PNPLA7: variants seen among roughly 807,000 people sequenced by gnomAD.
PNPLA7 encodes patatin like domain 7, lysophospholipase, also known as patatin-like phospholipase domain-containing protein 7.
In PNPLA7, 153 loss-of-function variants were observed where a neutral mutation model predicts 161.7. That is an observed-to-expected ratio of 0.95 (90% CI 0.83 to 1.08). The LOEUF is 1.08. Among genes scored for constraint, PNPLA7 ranks in the 50% least tolerant of loss-of-function variants. The pLI is 0.00. For synonymous variants in PNPLA7, 809 were observed against 782.1 expected (o/e 1.03, Z -0.57); for missense variants, 1,739 against 1,856.6 (o/e 0.94, Z 1.16).
intron 25 of PNPLA7, among the ~76,000 whole-genome samples, chr9:137,475,136 A>G (rs963265707): frequency 6.6e-6 from 1 of 152,112 alleles, no homozygotes; most frequent in African/African-American, 2.4e-5. Flanking sequence ...CCAAATTTGA[A>G]AGGGTCCACT....
chr9:137,549,055 G>A (rs1194862778), intron 1 of PNPLA7, among the ~76,000 whole-genome samples: 3 of 152,276 alleles, frequency 2.0e-5, no homozygotes, highest in South Asian at 2.1e-4. Context: ...GCGATGGCCC[G>A]TGACCTGGTC....
intron 9 of PNPLA7, 79 bp downstream of exon 9, chr9:137,522,650 C>G: frequency 2.0e-6 from 3 of 1,532,516 alleles, no homozygotes; most frequent in Non-Finnish European, 2.7e-6. Flanking sequence ...AATAAACCCA[C>G]TCAAATCCCA....
chr9:137,547,293 G>A lies in PNPLA7; in HGVS notation c.193+16C>T. On this transcript the variant is annotated intron_variant, in intron 3 of 34. Transcript: ENST00000406427. This position sits in a 1 kb window ranked among gnomAD's most constrained non-coding sequence, Gnocchi z 4.6. Reference sequence around the variant, plus strand: ...CCCCCAACCCCCCGGGCCAGAGTCGGAACCAAGATACTCACGAAATTGTCT... The same window carrying A: ...CCCCCAACCCCCCGGGCCAGAGTCGAAACCAAGATACTCACGAAATTGTCT... 3 of 1,612,460 alleles carry A rather than the reference G, an allele frequency of 1.9e-6. No homozygotes were observed. Among genetic ancestry groups the A allele is most frequent in the South Asian group, 1.1e-5 (1 of 91,054 alleles).
At chr9:137,526,818 T>C (rs1484346899) in intron 8 of PNPLA7, among the ~76,000 whole-genome samples, 1 of 152,252 alleles carries the variant, frequency 6.6e-6, no homozygotes, top group Non-Finnish European at 1.5e-5. Flanking sequence ...TAAGTTCTAG[T>C]AGTTGTCTTA....
chr9:137,464,665 A>G, intron 26 of PNPLA7: 3 of 588,140 alleles, frequency 5.1e-6, no homozygotes, highest in Middle Eastern at 9.2e-4. Flanking sequence ...AAGCCAGGAC[A>G]CAGCCCACCC....
chr9:137,514,501 CT>C (rs1834412789), intron 12 of PNPLA7, among the ~76,000 whole-genome samples: 1 of 111,000 alleles, frequency 9.0e-6, no homozygotes, highest in South Asian at 3.0e-4. Flanking sequence ...GGTCACCTGA[CT>C]GTTGAGGTGC....
rs1479435395 is a variant in PNPLA7, at chr9:137,462,784, C to T, written c.3393G>A (p.Val1131=). The change falls in exon 30 of 35, where the codon GTG becomes GTA. Residue 1131 remains valine (V), a synonymous_variant. Coordinates refer to ENST00000406427, the MANE Select transcript of PNPLA7 (RefSeq NM_001098537.3). ...TGAGGTCCGTCTCATCTCGGCTGCC[C>T]ACGTCAATGGCGATCACCACTTTTG... ...MGAKVVIAID[V]GSRDETDLTN... is the part of the protein sequence containing the mutation. The T allele has an allele frequency of 1.9e-6, 3 of 1,613,922 alleles. No homozygotes were observed. Among genetic ancestry groups the T allele is most frequent in the Non-Finnish European group, 2.5e-6 (3 of 1,179,980 alleles).
chr9:137,505,573 C>G (rs374347403), intron 14 of PNPLA7, 41 bp downstream of exon 14: 50 of 1,608,836 alleles, frequency 3.1e-5, no homozygotes, highest in Non-Finnish European at 4.2e-5. Context: ...GCCACGGGCC[C>G]TGGGTGGGAC....
At chr9:137,514,693 T>C (rs1350388207) in intron 12 of PNPLA7, among the ~76,000 whole-genome samples, 16 of 89,552 alleles carry the variant, frequency 1.8e-4, no homozygotes, top group Admixed American at 3.6e-4. Flanking sequence ...GGCGGGTCAC[T>C]CGGATGTTGA....
At chr9:137,461,823 C>G (rs1831213701) in intron 32 of PNPLA7, 108 bp downstream of exon 32, 2 of 1,300,778 alleles carry the variant, frequency 1.5e-6, no homozygotes, top group East Asian at 2.6e-5. Context: ...GGGGGCAGGG[C>G]CTGTGGCCTG....
chr9:137,540,546 C>T lies in PNPLA7; in HGVS notation c.747+96G>A, dbSNP rs1836138247. 4 of 1,119,708 alleles carry T rather than the reference C, an allele frequency of 3.6e-6. No individual in the cohort carries two copies. The highest frequency in any genetic ancestry group is 5.2e-6 in the Non-Finnish European group (4 of 769,808). 69.4% of individuals were successfully genotyped at this position (1,119,708 alleles called of 1,614,324 possible). Reference sequence around the variant, plus strand: ...CCCTCACATCACTGTGGAGAACTGGCCTTTAACCACTACCAGCTGTCCAGA... The same window carrying T: ...CCCTCACATCACTGTGGAGAACTGGTCTTTAACCACTACCAGCTGTCCAGA... On this transcript the variant is annotated intron_variant, in intron 8 of 34. Transcript: ENST00000406427. This position sits in a 1 kb window ranked among gnomAD's most constrained non-coding sequence, Gnocchi z 5.1.
Position 137,527,406 on chromosome 9 carries a change from A to C in PNPLA7, c.748-4549T>G, listed in dbSNP as rs183999254. 1.3e-4 allele frequency among the ~76,000 whole-genome samples: 20 copies of C among 152,280 alleles called. No individual in the cohort carries two copies. The East Asian group carries it at 3.1e-3, about 23-fold the overall frequency. Reference sequence around the variant, plus strand: ...GTTTGCTTTCATTTTTTTAGTACAGATGTCCTTTATTCGATTTAGGAAGTT... The same window carrying C: ...GTTTGCTTTCATTTTTTTAGTACAGCTGTCCTTTATTCGATTTAGGAAGTT... On this transcript the variant is annotated intron_variant, in intron 8 of 34. Transcript: ENST00000406427.
Position 137,479,149 on chromosome 9 carries a change from G to A in PNPLA7, c.2670C>T (p.Thr890=), listed in dbSNP as rs150573682. The A allele has an allele frequency of 1.5e-5, 24 of 1,582,584 alleles. No individual in the cohort carries two copies. The highest frequency in any genetic ancestry group is 1.8e-4 in the Middle Eastern group (1 of 5,442). ...HREEGPAPAR[T]VEWLNMRSWC... Reference sequence around the variant, plus strand: ...AGCTCCGCATGTTGAGCCACTCCACGGTGCGCGCTGGCGCCGGGCCCTCCT... The same window carrying A: ...AGCTCCGCATGTTGAGCCACTCCACAGTGCGCGCTGGCGCCGGGCCCTCCT... Residue 890 remains threonine (T), a synonymous_variant, in exon 24 of 35, where the codon ACC becomes ACT. Coordinates refer to ENST00000406427, the MANE Select transcript of PNPLA7 (RefSeq NM_001098537.3).
intron 8 of PNPLA7, among the ~76,000 whole-genome samples, chr9:137,530,090 G>A (rs139391500): frequency 1.3e-5 from 2 of 152,078 alleles, no homozygotes; most frequent in South Asian, 2.1e-4. Context: ...TCAGCCTCCC[G>A]AGTAGATGAG....
intron 11 of PNPLA7, 100 bp from the exon 12 acceptor site, chr9:137,515,619 C>T (rs1334579514): frequency 1.2e-5 from 17 of 1,383,292 alleles, no homozygotes; most frequent in African/African-American, 1.5e-5. Context: ...CCCCACAGTG[C>T]CCTGCGCACC....
chr9:137,519,495 G>A (rs558812531), intron 11 of PNPLA7, among the ~76,000 whole-genome samples: 2 of 152,352 alleles, frequency 1.3e-5, no homozygotes, highest in African/African-American at 2.4e-5. Flanking sequence ...GTGAGGAGAC[G>A]GGCACACGTA....
Position 137,543,857 on chromosome 9 carries a change from C to T in PNPLA7, c.274-42G>A, listed in dbSNP as rs746920301. On this transcript the variant is annotated intron_variant, in intron 4 of 34. Coordinates refer to ENST00000406427, the MANE Select transcript of PNPLA7 (RefSeq NM_001098537.3). The surrounding 1 kb of genome is among the most constrained non-coding windows in gnomAD (Gnocchi z 6.9). ...GAGACCAGCCACTGACCCTGCAAGC[C>T]GCAAGGTCCAAGCTCTTTGCCATGG... 41 of 1,537,702 alleles carry T rather than the reference C, an allele frequency of 2.7e-5. No individual in the cohort carries two copies. The highest frequency in any genetic ancestry group is 1.0e-4 in the Admixed American group (6 of 59,872).
rs2132500610 is a variant in PNPLA7 at position 137,523,438 on chromosome 9, G to A, written c.748-581C>T. 6.6e-6 allele frequency among the ~76,000 whole-genome samples: 1 copy of A among 152,346 alleles called. No homozygotes were observed. The highest frequency in any genetic ancestry group is 2.1e-4 in the South Asian group (1 of 4,818). On this transcript the variant is annotated intron_variant, in intron 8 of 34. Coordinates refer to ENST00000406427, the MANE Select transcript of PNPLA7 (RefSeq NM_001098537.3). This position sits in a 1 kb window ranked among gnomAD's most constrained non-coding sequence, Gnocchi z 4.4. ...GCCAGCAGAGCTCCACACGGCCAAG[G>A]AAAGAGCCCAGGAAAAGCCCCAGTG...
chr9:137,518,165 T>C, intron 11 of PNPLA7, among the ~76,000 whole-genome samples: 1 of 93,474 alleles, frequency 1.1e-5, no homozygotes, highest in African/African-American at 4.6e-5. Context: ...ACGCACTCAC[T>C]CCACTCTGTC....
Sources: gnomAD v4.1 joint callset for allele counts (sites outside exome capture counted in the v4.1 genomes callset) on GRCh38, gnomAD v4.1.1 for gene constraint, Gnocchi (gnomAD v3.1) non-coding constraint, MANE v1.5 for transcripts, NCBI Gene and HGNC (gene_info 2026-07-23, HGNC 2026-07-21) for gene names.